Variants in FSTL5 observed in about 807,000 individuals in gnomAD.
FSTL5 encodes the protein follistatin like 5.
In FSTL5, 62 loss-of-function variants were observed where a neutral mutation model predicts 89.1. That is an observed-to-expected ratio of 0.70 (90% CI 0.57 to 0.86). The LOEUF (loss-of-function observed/expected upper bound fraction) is 0.86. Among genes scored for constraint, FSTL5 ranks in the 40% least tolerant of loss-of-function variants. The pLI is 0.00. For missense variants in FSTL5, 1,057 were observed against 1,001.6 expected (o/e 1.06, Z -0.75); for synonymous variants, 383 against 346.2 (o/e 1.11, Z -1.18).
At chr4:161,589,872 C>A (rs1733746283) in intron 7 of FSTL5, among the ~76,000 whole-genome samples, 2 of 151,918 alleles carry the variant, frequency 1.3e-5, no homozygotes, top group South Asian at 4.2e-4. Context: ...TCTCTAGCTG[C>A]ACATAAGACT....
In FSTL5 at chr4:161,719,885, G is replaced by A. The variant is rs28831766; in HGVS notation, c.727+39526C>T. On this transcript the variant is annotated intron_variant, in intron 6 of 15. Transcript: ENST00000306100. Reference sequence around the variant, plus strand: ...GACTCTTTAGAACTTTATCTTACACGATACACAAAAATCAACTCAAAATGG... The same window carrying A: ...GACTCTTTAGAACTTTATCTTACACAATACACAAAAATCAACTCAAAATGG... Among the ~76,000 whole-genome samples the A allele has an allele frequency of 6.4e-3, 976 of 151,952 alleles. 11 individuals carry two copies. Among genetic ancestry groups the A allele is most frequent in the African/African-American group, 0.022 (902 of 41,432 alleles).
At position 161,864,780 on chromosome 4, in the gene FSTL5, G is replaced by A. The variant is rs188892586; in HGVS notation, c.409+55624C>T. 7.3e-5 allele frequency among the ~76,000 whole-genome samples: 11 copies of A among 149,660 alleles called. No homozygotes were observed. In the East Asian group the frequency reaches 1.8e-3, roughly 25 times the overall value. The stretch of plus-strand genomic sequence containing the variant: ...CCAGTTACTCGGGAGGCCGAGGCAG[G>A]AGAATCACTTGAACCCGGGAGGTAG... On this transcript the variant is annotated intron_variant, in intron 4 of 15. Coordinates refer to ENST00000306100, the MANE Select transcript of FSTL5 (RefSeq NM_020116.5).
intron 15 of FSTL5, among the ~76,000 whole-genome samples, chr4:161,451,577 G>T (rs1296021915): frequency 6.6e-6 from 1 of 152,196 alleles, no homozygotes; most frequent in African/African-American, 2.4e-5. Context: ...CCAGTCCTTA[G>T]AAAGAAATGA....
chr4:161,940,131 T>C (rs1734537924), intron 3 of FSTL5, among the ~76,000 whole-genome samples: 1 of 151,858 alleles, frequency 6.6e-6, no homozygotes, highest in East Asian at 1.9e-4. Flanking sequence ...TATCCTCTAA[T>C]AAAGTTTTCA....
chr4:161,633,202 T>A (rs1414583825), intron 7 of FSTL5, among the ~76,000 whole-genome samples: 2 of 151,352 alleles, frequency 1.3e-5, no homozygotes, highest in Non-Finnish European at 2.9e-5. Context: ...TCAAAACTAT[T>A]CCCAATACTT....
intron 3 of FSTL5, among the ~76,000 whole-genome samples, chr4:162,007,732 G>A (rs149208509): frequency 2.6e-5 from 4 of 151,808 alleles, no homozygotes; most frequent in African/African-American, 9.6e-5. Flanking sequence ...CCATACAATG[G>A]GTAAATGTAT....
intron 7 of FSTL5, among the ~76,000 whole-genome samples, chr4:161,609,192 A>C (rs572180345): frequency 6.6e-5 from 10 of 152,248 alleles, no homozygotes; most frequent in African/African-American, 2.4e-4. Context: ...GGGCATTTGA[A>C]TAAATTAATG....
intron 15 of FSTL5, among the ~76,000 whole-genome samples, chr4:161,439,655 A>G (rs1165717743): frequency 1.3e-5 from 2 of 152,182 alleles, no homozygotes; most frequent in African/African-American, 2.4e-5. Flanking sequence ...GGTAACAAGC[A>G]TCAAGAATTA....
intron 8 of FSTL5, among the ~76,000 whole-genome samples, chr4:161,556,647 A>G (rs1732402333): frequency 6.6e-6 from 1 of 151,482 alleles, no homozygotes; most frequent in Non-Finnish European, 1.5e-5. Context: ...AATATTGTTG[A>G]AGATCTTTTC....
chr4:161,695,832 T>A (rs1404523093), intron 6 of FSTL5, among the ~76,000 whole-genome samples: 2 of 152,144 alleles, frequency 1.3e-5, no homozygotes, highest in Non-Finnish European at 2.9e-5. Flanking sequence ...TCGATTTGTT[T>A]GAGTTCCTTA....
At chr4:161,417,992 A>C (rs1310456238) in intron 15 of FSTL5, among the ~76,000 whole-genome samples, 1 of 152,180 alleles carries the variant, frequency 6.6e-6, no homozygotes, top group African/African-American at 2.4e-5. Flanking sequence ...TTTCATTATA[A>C]GATTGATGAG....
intron 2 of FSTL5, among the ~76,000 whole-genome samples, chr4:162,040,320 T>A (rs1737899669): frequency 6.6e-6 from 1 of 152,046 alleles, no homozygotes; most frequent in Non-Finnish European, 1.5e-5. Context: ...TCATGGAACT[T>A]GAGAATAGGA....
intron 3 of FSTL5, among the ~76,000 whole-genome samples, chr4:162,017,713 A>G (rs1736953436): frequency 6.6e-6 from 1 of 152,198 alleles, no homozygotes; most frequent in African/African-American, 2.4e-5. Flanking sequence ...TTTGAGAATG[A>G]GACAACAAAA....
At chr4:161,777,939 A>C (rs973587388) in intron 4 of FSTL5, among the ~76,000 whole-genome samples, 30 of 152,174 alleles carry the variant, frequency 2.0e-4, no homozygotes, top group African/African-American at 7.2e-4. Flanking sequence ...ACTAAAAATA[A>C]AAAAATTGGC....
intron 15 of FSTL5, among the ~76,000 whole-genome samples, chr4:161,396,731 TA>T (rs10715942): frequency 0.6 from 86,785 of 145,544 alleles, 25,686 homozygotes; most frequent in South Asian, 0.76. Context: ...ATGAAAACTG[TA>T]AAAAAAAAAA....
intron 4 of FSTL5, among the ~76,000 whole-genome samples, chr4:161,805,115 A>G (rs1729922312): frequency 1.3e-5 from 2 of 152,024 alleles, no homozygotes; most frequent in South Asian, 4.1e-4. Context: ...AACATCTTTG[A>G]CTCACACTTC....
intron 3 of FSTL5, among the ~76,000 whole-genome samples, chr4:162,024,116 C>G (rs946300330): frequency 3.3e-5 from 5 of 152,136 alleles, no homozygotes; most frequent in Non-Finnish European, 5.9e-5. Context: ...TTCACAGAAT[C>G]CACCACAGAG....
chr4:161,466,344 A>T (rs1359256307), intron 13 of FSTL5, among the ~76,000 whole-genome samples: 1 of 152,190 alleles, frequency 6.6e-6, no homozygotes, highest in Non-Finnish European at 1.5e-5. Flanking sequence ...GACAAGTTGT[A>T]TCAACTTCTA....
At chr4:161,892,979 A>G (rs947838938) in intron 4 of FSTL5, among the ~76,000 whole-genome samples, 8 of 152,118 alleles carry the variant, frequency 5.3e-5, no homozygotes, top group Non-Finnish European at 8.8e-5. Context: ...GAAAAATGCT[A>G]CTTTTAGAAA....
Sources: allele counts gnomAD v4.1 joint callset (sites outside exome capture counted in the v4.1 genomes callset), GRCh38; gene constraint gnomAD v4.1.1; transcripts MANE v1.5; gene names NCBI Gene and HGNC (gene_info 2026-07-23, HGNC 2026-07-21).